NDUFV2: variants seen among roughly 807,000 people sequenced by gnomAD.
NDUFV2 encodes NADH dehydrogenase [ubiquinone] flavoprotein 2, mitochondrial.
A neutral mutation model predicts 31.6 loss-of-function variants in NDUFV2; 18 were observed. The ratio of observed to expected loss-of-function variants is 0.57; its 90% confidence interval spans 0.39 to 0.84. NDUFV2 has a LOEUF of 0.84. NDUFV2 is among the 40% of genes least tolerant of loss of function. The pLI is 0.00. For missense variants in NDUFV2, 314 were observed against 303.6 expected (o/e 1.03, Z -0.26); for synonymous variants, 83 against 99.8 (o/e 0.83, Z 1.01).
intron 7 of NDUFV2, among the ~76,000 whole-genome samples, chr18:9,127,638 A>AT (rs1568195822): frequency 6.6e-6 from 1 of 151,880 alleles, no homozygotes; most frequent in Non-Finnish European, 1.5e-5. Context: ...CGCCCGGCTA[A>AT]TTTTTTGTAT....
chr18:9,113,687 G>A (rs1047582799), intron 1 of NDUFV2, among the ~76,000 whole-genome samples: 71 of 152,302 alleles, frequency 4.7e-4, no homozygotes, highest in African/African-American at 1.6e-3. Context: ...GACCTAATTG[G>A]TTATTTATAG....
intron 5 of NDUFV2, among the ~76,000 whole-genome samples, chr18:9,123,876 C>T (rs191881211): frequency 1.3e-5 from 2 of 152,322 alleles, no homozygotes; most frequent in Admixed American, 1.3e-4. Context: ...AGATAGTTTA[C>T]AAGAAGTAGA....
chr18:9,104,682 C>T (rs924048508), intron 1 of NDUFV2, among the ~76,000 whole-genome samples: 3 of 151,924 alleles, frequency 2.0e-5, no homozygotes, highest in East Asian at 1.9e-4. Flanking sequence ...TTCCTTCCTT[C>T]TCTCTCTCCA....
At chr18:9,105,085 T>A in intron 1 of NDUFV2, 5 of 1,196,704 alleles carry the variant, frequency 4.2e-6, no homozygotes, top group Non-Finnish European at 5.5e-6. Flanking sequence ...TAGCATTCCA[T>A]TGTGAGGATG....
At chr18:9,113,923 G>C (rs982211254) in intron 1 of NDUFV2, among the ~76,000 whole-genome samples, 5 of 152,146 alleles carry the variant, frequency 3.3e-5, no homozygotes, top group Admixed American at 3.3e-4. Context: ...GTGTCTGAGG[G>C]GTTTTGTCTG....
chr18:9,113,465 A>G (rs538032290), intron 1 of NDUFV2, among the ~76,000 whole-genome samples: 1 of 152,316 alleles, frequency 6.6e-6, no homozygotes, highest in East Asian at 1.9e-4. Flanking sequence ...TGCTGGCAGG[A>G]GGCAGCATCC....
Position 9,130,727 on chromosome 18 carries a change from C to G in NDUFV2, c.657-3459C>G, listed in dbSNP as rs372518465. ...TATTTTAATAATAAATATCTCTGCT[C>G]TTTGAAAGAGGTACTAATTGTGCGT... On this transcript the variant is annotated intron_variant, in intron 7 of 7. Transcript: ENST00000318388. Among the ~76,000 whole-genome samples the G allele has an allele frequency of 7.2e-5, 11 of 152,228 alleles. 1 individual carries two copies. Among genetic ancestry groups the G allele is most frequent in the African/African-American group, 2.6e-4 (11 of 41,530 alleles).
intron 6 of NDUFV2, 69 bp from the exon 7 acceptor site, chr18:9,126,762 T>C (rs975524494): frequency 2.5e-5 from 35 of 1,384,506 alleles, no homozygotes; most frequent in Middle Eastern, 2.1e-4. Context: ...TAGTGAGACC[T>C]TGTCTCTATA....
chr18:9,106,059 G>C (rs919529438), intron 1 of NDUFV2, among the ~76,000 whole-genome samples: 1 of 152,158 alleles, frequency 6.6e-6, no homozygotes, highest in Non-Finnish European at 1.5e-5. Flanking sequence ...CATATCCCTT[G>C]TGGGCAGCAG....
At chr18:9,132,391 G>A (rs2078047779) in intron 7 of NDUFV2, 1 of 152,146 alleles carries the variant, frequency 6.6e-6, no homozygotes, top group African/African-American at 2.4e-5. Flanking sequence ...TCAGCTTTCA[G>A]GAGACGTCTA....
chr18:9,107,425 C>T (rs1173785132), intron 1 of NDUFV2, among the ~76,000 whole-genome samples: 1 of 152,170 alleles, frequency 6.6e-6, no homozygotes, highest in Non-Finnish European at 1.5e-5. Context: ...TGAATCAGTT[C>T]AGGAAGCATG....
chr18:9,109,874 ATCTTT>A (rs1309342363), intron 1 of NDUFV2, among the ~76,000 whole-genome samples: 1 of 152,220 alleles, frequency 6.6e-6, no homozygotes, highest in Non-Finnish European at 1.5e-5. Context: ...GCCTGCTTAA[ATCTTT>A]TCTTTTCCTT....
chr18:9,125,679 A>G (rs1321496409), intron 6 of NDUFV2, among the ~76,000 whole-genome samples: 1 of 152,138 alleles, frequency 6.6e-6, no homozygotes, highest in Non-Finnish European at 1.5e-5. Flanking sequence ...TTTTCATTCA[A>G]GATACCTTGT....
At chr18:9,110,483 T>C (rs2077864434) in intron 1 of NDUFV2, among the ~76,000 whole-genome samples, 1 of 152,132 alleles carries the variant, frequency 6.6e-6, no homozygotes, top group South Asian at 2.1e-4. Context: ...CTTCACTATT[T>C]AGTTTGTTTC....
At chr18:9,123,466 AAT>A (rs1199840644) in intron 5 of NDUFV2, among the ~76,000 whole-genome samples, 1 of 152,046 alleles carries the variant, frequency 6.6e-6, no homozygotes, top group Non-Finnish European at 1.5e-5. Context: ...TCTACAGCAC[AAT>A]ATATATGTCT....
chr18:9,104,594 A>G (rs1309768835), intron 1 of NDUFV2, among the ~76,000 whole-genome samples: 2 of 152,210 alleles, frequency 1.3e-5, no homozygotes, highest in African/African-American at 4.8e-5. Flanking sequence ...TTTAATGAAA[A>G]AGAACAACTT....
intron 1 of NDUFV2, among the ~76,000 whole-genome samples, chr18:9,113,846 G>A (rs2077883647): frequency 6.6e-6 from 1 of 152,126 alleles, no homozygotes; most frequent in Admixed American, 6.5e-5. Flanking sequence ...TGCTCACTTG[G>A]GGAGCTCGGT....
At chr18:9,117,803 G>T (rs1237857713) in intron 1 of NDUFV2, 35 bp from the exon 2 acceptor site, 9 of 1,294,014 alleles carry the variant, frequency 7.0e-6, no homozygotes, top group Admixed American at 1.7e-5. Context: ...TTAAGGCTAT[G>T]ATTTACTAAA....
At chr18:9,104,039 AGTACAGT>A in intron 1 of NDUFV2, 1 of 998,396 alleles carries the variant, frequency 1.0e-6, no homozygotes, top group Non-Finnish European at 1.4e-6. Flanking sequence ...ACAATGTAAA[AGTACAGT>A]GTTAGAGAGA....
Sources: gnomAD v4.1 joint callset for allele counts (sites outside exome capture counted in the v4.1 genomes callset) on GRCh38, gnomAD v4.1.1 for gene constraint, MANE v1.5 for transcripts, NCBI Gene and HGNC (gene_info 2026-07-23, HGNC 2026-07-21) for gene names.